Variants in USP8 observed in about 807,000 individuals in gnomAD.
USP8 encodes the protein ubiquitin specific peptidase 8.
A neutral mutation model predicts 130.0 loss-of-function variants in USP8; 27 were observed. That is an observed-to-expected ratio of 0.21 (90% CI 0.15 to 0.29). USP8 has a LOEUF of 0.29. Ranked by LOEUF, USP8 falls within the 10% of genes least tolerant of loss-of-function variation. The pLI is 1.00. For synonymous variants in USP8, 392 were observed against 444.1 expected (o/e 0.88, Z 1.48); for missense variants, 1,029 against 1,312.2 (o/e 0.78, Z 3.33).
Position 50,498,385 on chromosome 15 carries a change from A to C in USP8, c.3039-211A>C, listed in dbSNP as rs576815608. The C allele has an allele frequency of 1.1e-5, 6 of 549,144 alleles. No homozygotes were observed. The East Asian group carries it at 1.6e-4, about 15-fold the overall frequency. The allele number at this position is 549,144 out of a possible 1,614,324, so 34.0% of individuals were successfully genotyped here. Reference sequence around the variant, plus strand: ...CCATTCTGGCTGTTTGACCTTAGGCACATCATTAAATATCCATATGCCTCA... The same window carrying C: ...CCATTCTGGCTGTTTGACCTTAGGCCCATCATTAAATATCCATATGCCTCA... On this transcript the variant is annotated intron_variant, in intron 18 of 19. Transcript: ENST00000307179.
At chr15:50,469,468 G>C (rs1452641681) in intron 7 of USP8, among the ~76,000 whole-genome samples, 2 of 152,032 alleles carry the variant, frequency 1.3e-5, no homozygotes, top group African/African-American at 4.8e-5. Context: ...CCCTAGGGTT[G>C]GAAATAGTCT....
chr15:50,450,554 A>G (rs2050598925), intron 4 of USP8, among the ~76,000 whole-genome samples: 1 of 138,976 alleles, frequency 7.2e-6, no homozygotes, highest in South Asian at 2.2e-4. Flanking sequence ...TCACTGCAAC[A>G]TTTGCCTCTC....
chr15:50,441,327 T>C (rs979153506), intron 2 of USP8, 22 bp from the exon 3 acceptor site: 3 of 1,567,514 alleles, frequency 1.9e-6, no homozygotes, highest in Admixed American at 2.1e-5. Flanking sequence ...GCTTTAATTA[T>C]TATTTTTTCT....
rs760825614 is a variant in USP8, at chr15:50,477,259, T to C, written c.995-17T>C. 1.2e-6 allele frequency: 2 copies of C among 1,602,728 alleles called. No individual in the cohort carries two copies. The highest frequency in any genetic ancestry group is 1.7e-6 in the Non-Finnish European group (2 of 1,175,758). ...GGTTTGCTATTCTAAAAAACATTTT[T>C]ATTTTTGGAATTTTAGTGGATTTTA... On this transcript the variant is annotated splice_polypyrimidine_tract_variant and intron_variant, in intron 9 of 19. Transcript: ENST00000307179.
At chr15:50,443,290 C>T (rs989794065) in intron 3 of USP8, among the ~76,000 whole-genome samples, 1 of 152,048 alleles carries the variant, frequency 6.6e-6, no homozygotes, top group Non-Finnish European at 1.5e-5. Context: ...CCGCCCCTCT[C>T]GTTCTCCCAA....
In USP8 at chr15:50,459,071, A is replaced by C. The variant is rs764108123; in HGVS notation, c.407A>C (p.Gln136Pro). The change falls in exon 5 of 20, where the codon CAA becomes CCA. Residue 136 changes from glutamine (Q) to proline (P), a missense_variant. Around this residue, in one of 4 missense-constraint regions of USP8, gnomAD observed 281 missense variants for 336.7 expected, o/e 0.83. Coordinates refer to ENST00000307179, the MANE Select transcript of USP8 (RefSeq NM_005154.5). Reference protein sequence around the residue: ...DRQEEAQRLQQKRQETGREDG... With the variant: ...DRQEEAQRLQPKRQETGREDG... ...CAGGAGGAAGCACAGCGGCTACAAC[A>C]AAAAAGGCAGGAAACAGGAAGAGAG... is the stretch of plus-strand genomic sequence containing the variant. 3 of 1,613,918 alleles carry C rather than the reference A, an allele frequency of 1.9e-6. No homozygotes were observed.
chr15:50,496,940 A>G (rs1251631324), intron 17 of USP8, 149 bp from the exon 18 acceptor site: 7 of 957,364 alleles, frequency 7.3e-6, no homozygotes, highest in African/African-American at 1.7e-5. Flanking sequence ...GCTTCTCACT[A>G]GATCACAAGC....
Position 50,462,284 on chromosome 15 carries a change from A to AT in USP8, c.504dup (p.Gly169TrpfsTer2). The AT allele has an allele frequency of 6.2e-7, 1 of 1,602,118 alleles. No homozygotes were observed. Among genetic ancestry groups the AT allele is most frequent in the Non-Finnish European group, 8.5e-7 (1 of 1,176,882 alleles). ...TTTTTTTTTCCTATGCAATAGAGCA[A>AT]TGGTGAAAAGAATGAAAAATGTGAG... On this transcript the variant is annotated frameshift_variant, in exon 6 of 20. Transcript: ENST00000307179. LOFTEE classifies it high-confidence loss of function.
In USP8 at chr15:50,508,201, TC is replaced by T. The variant is rs2052690209; in HGVS notation, c.*9114del. 6.6e-6 allele frequency: 1 copy of T among 151,860 alleles called. No individual in the cohort carries two copies. The highest frequency in any genetic ancestry group is 1.5e-5 in the Non-Finnish European group (1 of 67,962). The allele number at this position is 151,860 out of a possible 1,614,324, so 9.4% of individuals were successfully genotyped here. On this transcript the variant is annotated 3_prime_UTR_variant, in exon 20 of 20. Transcript: ENST00000307179. ...TACTTTTGGAAATTAAAAAAACACT[TC>T]TAAGTAACTTTATAAATAAATTATA...
At chr15:50,492,297 T>A in intron 14 of USP8, among the ~76,000 whole-genome samples, 1 of 152,252 alleles carries the variant, frequency 6.6e-6, no homozygotes, top group Non-Finnish European at 1.5e-5. Context: ...TTTTTGTTTT[T>A]ATTTTTTTAT....
chr15:50,476,050 C>A (rs1324699842), intron 8 of USP8, among the ~76,000 whole-genome samples: 1 of 152,158 alleles, frequency 6.6e-6, no homozygotes, highest in African/African-American at 2.4e-5. Flanking sequence ...GTATAAGGAT[C>A]TTTTGTGTTT....
rs1770956694 is a variant in USP8 at position 50,509,478 on chromosome 15, T to A, written c.*10390T>A. 1 of 152,048 alleles carries A rather than the reference T, an allele frequency of 6.6e-6. No individual in the cohort carries two copies. The highest frequency in any genetic ancestry group is 1.5e-5 in the Non-Finnish European group (1 of 68,098). The allele number at this position is 152,048 out of a possible 1,614,324, so 9.4% of individuals were successfully genotyped here. ...CTGGCTAACACGGTGAAACACCGTC[T>A]CTACTAAAAATACAAAAAATTAGCC... is the stretch of plus-strand genomic sequence containing the variant. On this transcript the variant is annotated 3_prime_UTR_variant, in exon 20 of 20. Coordinates refer to ENST00000307179, the MANE Select transcript of USP8 (RefSeq NM_005154.5).
chr15:50,438,755 T>A (rs1434755463), intron 1 of USP8, among the ~76,000 whole-genome samples: 2 of 152,200 alleles, frequency 1.3e-5, no homozygotes, highest in Non-Finnish European at 2.9e-5. Context: ...CTAGTTCCTT[T>A]GACAGGTAAG....
chr15:50,471,774 T>C lies in USP8; in HGVS notation c.828T>C (p.Ser276=). The C allele has an allele frequency of 6.2e-7, 1 of 1,613,838 alleles. No homozygotes were observed. The highest frequency in any genetic ancestry group is 8.5e-7 in the Non-Finnish European group (1 of 1,179,950). ...TACAGATTGGAACAACTCTCCGGAG[T>C]CTGAAAGATGCACTTTTCAAGGTTT... ...KDLQIGTTLR[S]LKDALFKWES... Residue 276 remains serine, a synonymous_variant, in exon 8 of 20, where the codon AGT becomes AGC. Coordinates refer to ENST00000307179, the MANE Select transcript of USP8 (RefSeq NM_005154.5).
intron 7 of USP8, among the ~76,000 whole-genome samples, chr15:50,467,332 G>A (rs1342537640): frequency 6.6e-6 from 1 of 152,112 alleles, no homozygotes; most frequent in African/African-American, 2.4e-5. Flanking sequence ...ATGATTTTAG[G>A]TTGAAGATTA....
rs1016085742 is a variant in USP8, at chr15:50,511,650, A to G, written c.*12562A>G. 1 of 152,244 alleles carries G rather than the reference A, an allele frequency of 6.6e-6. No homozygotes were observed. Among genetic ancestry groups the G allele is most frequent in the Non-Finnish European group, 1.5e-5 (1 of 68,028 alleles). 9.4% of individuals were successfully genotyped at this position (152,244 alleles called of 1,614,324 possible). A position where few individuals can be genotyped will look rare whatever the true frequency, so the allele number is the denominator to read the frequency against. ...ATGAAACTTGAAAACATTATGCTGA[A>G]TAAAAGAAAATAAAAACAGAAGGTC... On this transcript the variant is annotated 3_prime_UTR_variant, in exon 20 of 20. Transcript: ENST00000307179.
At chr15:50,495,120 A>G (rs539026829) in intron 16 of USP8, among the ~76,000 whole-genome samples, 1 of 151,806 alleles carries the variant, frequency 6.6e-6, no homozygotes, top group African/African-American at 2.4e-5. Flanking sequence ...CTCCATTTAC[A>G]TACTACAACT....
intron 3 of USP8, among the ~76,000 whole-genome samples, chr15:50,446,792 G>C (rs1010456296): frequency 1.3e-5 from 2 of 152,124 alleles, no homozygotes; most frequent in South Asian, 2.1e-4. Context: ...TTGAGACAGG[G>C]TCTCACTCTG....
At chr15:50,471,018 G>A (rs965848259) in intron 7 of USP8, among the ~76,000 whole-genome samples, 4 of 152,244 alleles carry the variant, frequency 2.6e-5, no homozygotes, top group African/African-American at 7.2e-5. Context: ...ACATGAGCCA[G>A]ATTGCCTGAA....
Sources: gnomAD v4.1 joint callset for allele counts (sites outside exome capture counted in the v4.1 genomes callset) on GRCh38, gnomAD v4.1.1 for gene constraint, gnomAD v4.1.1 regional missense constraint, MANE v1.5 for transcripts, NCBI Gene and HGNC (gene_info 2026-07-23, HGNC 2026-07-21) for gene names.